PDE8A: variants seen among roughly 807,000 people sequenced by gnomAD.
PDE8A encodes the protein high affinity cAMP-specific and IBMX-insensitive 3',5'-cyclic phosphodiesterase 8A.
PDE8A carries 59 observed loss-of-function variants against 105.0 expected under a neutral mutation model. The observed-to-expected ratio is 0.56, with a 90% CI of 0.46 to 0.70. The LOEUF (loss-of-function observed/expected upper bound fraction) is 0.70, where lower values mean the gene tolerates loss of function less well. PDE8A is among the 30% of genes least tolerant of loss of function. The probability of loss-of-function intolerance (pLI) is 0.00; values close to 1 mark genes in which losing one functional copy is unlikely to be tolerated. For missense variants in PDE8A, 1,014 were observed against 1,045.9 expected, an observed-to-expected ratio of 0.97 and a Z score of 0.42; for synonymous variants, 355 against 371.9, an observed-to-expected ratio of 0.95 and a Z score of 0.52.
chr15:85,073,401 A>G (rs1368794938), intron 3 of PDE8A, among the ~76,000 whole-genome samples: 2 of 152,128 alleles, frequency 1.3e-5, no homozygotes, highest in African/African-American at 4.8e-5. Flanking sequence ...CTTTTTATAC[A>G]GTTTTAGAGC....
intron 11 of PDE8A, among the ~76,000 whole-genome samples, chr15:85,102,855 AG>A (rs1272171097): frequency 6.7e-6 from 1 of 149,894 alleles, no homozygotes; most frequent in Admixed American, 6.6e-5. Context: ...AAAAAAAAAA[AG>A]AATACCACTG....
intron 1 of PDE8A, among the ~76,000 whole-genome samples, chr15:85,011,240 C>T (rs1371909730): frequency 1.3e-5 from 2 of 152,174 alleles, no homozygotes; most frequent in African/African-American, 2.4e-5. Flanking sequence ...CAGATTGGCC[C>T]AGTAGGAAGA....
At chr15:85,124,864 T>G (rs1045661920) in intron 19 of PDE8A, among the ~76,000 whole-genome samples, 6 of 152,206 alleles carry the variant, frequency 3.9e-5, no homozygotes, top group Non-Finnish European at 5.9e-5. Context: ...CTCTGTCTAG[T>G]CTGGACAGCC....
chr15:85,104,463 A>G (rs1238700785), intron 11 of PDE8A, among the ~76,000 whole-genome samples: 1 of 152,088 alleles, frequency 6.6e-6, no homozygotes, highest in Non-Finnish European at 1.5e-5. Flanking sequence ...GGAAAGGGTC[A>G]GGTCTTAGGA....
At chr15:85,007,216 GT>G (rs1427702269) in intron 1 of PDE8A, among the ~76,000 whole-genome samples, 1 of 152,094 alleles carries the variant, frequency 6.6e-6, no homozygotes, top group Non-Finnish European at 1.5e-5. Context: ...GGGCCAGGCA[GT>G]GTCAGTTAAA....
chr15:85,006,916 A>T (rs1001768131), intron 1 of PDE8A, among the ~76,000 whole-genome samples: 2 of 152,146 alleles, frequency 1.3e-5, no homozygotes, highest in Admixed American at 6.6e-5. Flanking sequence ...AGAGGAGAGG[A>T]GGAGTGGTTG....
intron 1 of PDE8A, among the ~76,000 whole-genome samples, chr15:85,021,578 A>G (rs559948082): frequency 2.0e-5 from 3 of 152,212 alleles, no homozygotes; most frequent in South Asian, 4.1e-4. Context: ...AAAGTTACCT[A>G]GTCTAAGGTA....
chr15:85,004,844 A>AT (rs1301892736), intron 1 of PDE8A, among the ~76,000 whole-genome samples: 4 of 112,328 alleles, frequency 3.6e-5, no homozygotes, highest in African/African-American at 6.9e-5. Context: ...ATTTTTTAAT[A>AT]TTCTTTTTTT....
At position 85,021,136 on chromosome 15, in the gene PDE8A, T is replaced by C. The variant is rs548867102; in HGVS notation, c.186+38788T>C. ...AGAAGATTGAGGGAGCTTGTTCTCC[T>C]GTCCGCCTTGTAAGAACACATAGCA... On this transcript the variant is annotated intron_variant, in intron 1 of 21. Coordinates refer to ENST00000394553, the MANE Select transcript of PDE8A (RefSeq NM_002605.3). Among the ~76,000 whole-genome samples the C allele has an allele frequency of 1.2e-3, 178 of 152,338 alleles. 1 individual carries two copies. The highest frequency in any genetic ancestry group is 4.2e-3 in the African/African-American group (174 of 41,578).
intron 1 of PDE8A, among the ~76,000 whole-genome samples, chr15:85,052,856 T>G (rs2080998810): frequency 6.6e-6 from 1 of 152,232 alleles, no homozygotes; most frequent in African/African-American, 2.4e-5. Context: ...TTTTGGCTTT[T>G]GTTGCCATTG....
intron 1 of PDE8A, among the ~76,000 whole-genome samples, chr15:85,057,904 G>A (rs560900808): frequency 1.2e-4 from 18 of 152,258 alleles, no homozygotes; most frequent in Middle Eastern, 6.8e-3. Flanking sequence ...TAGTCATGGT[G>A]TATAATCCTT....
At chr15:85,103,113 A>G (rs879333515) in intron 11 of PDE8A, among the ~76,000 whole-genome samples, 4 of 151,604 alleles carry the variant, frequency 2.6e-5, no homozygotes, top group Non-Finnish European at 5.9e-5. Context: ...TCCCAGCTAC[A>G]GGGGAGGCTG....
chr15:85,007,678 T>C (rs1323940633), intron 1 of PDE8A, among the ~76,000 whole-genome samples: 2 of 152,016 alleles, frequency 1.3e-5, no homozygotes, highest in Non-Finnish European at 1.5e-5. Flanking sequence ...TCATATAAAA[T>C]GAGAATAATA....
chr15:85,051,931 C>A (rs1044626807), intron 1 of PDE8A, among the ~76,000 whole-genome samples: 3 of 152,102 alleles, frequency 2.0e-5, no homozygotes, highest in African/African-American at 7.2e-5. Flanking sequence ...GTTAACTCAT[C>A]ATTTACATTA....
At chr15:85,137,325 C>G (rs1361806756) in intron 21 of PDE8A, among the ~76,000 whole-genome samples, 2 of 152,184 alleles carry the variant, frequency 1.3e-5, no homozygotes, top group African/African-American at 4.8e-5. Flanking sequence ...CAGCTCACTG[C>G]TTCTGGGACT....
chr15:85,029,927 A>G (rs912545610), intron 1 of PDE8A, among the ~76,000 whole-genome samples: 7 of 152,038 alleles, frequency 4.6e-5, no homozygotes, highest in African/African-American at 1.7e-4. Flanking sequence ...AGAAGTCTCC[A>G]CCTCTCCCCA....
At chr15:85,047,575 T>C (rs770457201) in intron 1 of PDE8A, among the ~76,000 whole-genome samples, 2 of 152,254 alleles carry the variant, frequency 1.3e-5, no homozygotes, top group Non-Finnish European at 2.9e-5. Flanking sequence ...TAAAATGATA[T>C]TGCTAAAATT....
At chr15:85,123,634 A>G (rs2082216759) in intron 19 of PDE8A, among the ~76,000 whole-genome samples, 1 of 152,144 alleles carries the variant, frequency 6.6e-6, no homozygotes, top group South Asian at 2.1e-4. Flanking sequence ...CACCAGATTA[A>G]GGGTGGATCT....
intron 1 of PDE8A, among the ~76,000 whole-genome samples, chr15:85,023,180 C>G (rs1242334815): frequency 1.3e-5 from 2 of 152,138 alleles, no homozygotes; most frequent in Non-Finnish European, 2.9e-5. Context: ...AGATTATGTC[C>G]TAAGAGTTAG....
Sources: gnomAD v4.1 joint callset for allele counts (sites outside exome capture counted in the v4.1 genomes callset) on GRCh38, gnomAD v4.1.1 for gene constraint, MANE v1.5 for transcripts, NCBI Gene and HGNC (gene_info 2026-07-23, HGNC 2026-07-21) for gene names.